Variants in DLC1 observed in about 807,000 individuals in gnomAD.
DLC1 encodes the protein rho GTPase-activating protein 7.
A neutral mutation model predicts 140.3 loss-of-function variants in DLC1; 54 were observed. The observed-to-expected ratio is 0.38, with a 90% confidence interval of 0.31 to 0.48. The LOEUF (loss-of-function observed/expected upper bound fraction) is 0.48, where lower values mean the gene tolerates loss of function less well. Ranked by LOEUF, DLC1 falls within the 20% of genes least tolerant of loss-of-function variation. The pLI, the probability that DLC1 is intolerant of heterozygous loss-of-function variation, is 0.96. For synonymous variants in DLC1, 986 were observed against 728.1 expected, an observed-to-expected ratio of 1.35 and a Z score of -5.70; for missense variants, 2,536 against 1,907.0, an observed-to-expected ratio of 1.33 and a Z score of -6.14.
rs1261896927 is a variant in DLC1, at chr8:13,083,529, G to A, written c.*2282C>T. 1 of 152,302 alleles carries A rather than the reference G, an allele frequency of 6.6e-6. No individual in the cohort carries two copies. The highest frequency in any genetic ancestry group is 1.5e-5 in the Non-Finnish European group (1 of 68,036). 9.4% of individuals were successfully genotyped at this position (152,302 alleles called of 1,614,324 possible). A position where few individuals can be genotyped will look rare whatever the true frequency, so the allele number is the denominator to read the frequency against. Reference sequence around the variant, plus strand: ...TGTGATGGCGCTCTAAGTGACCTCAGCAGAGTTCTTGAAAATGTTCATATC... The same window carrying A: ...TGTGATGGCGCTCTAAGTGACCTCAACAGAGTTCTTGAAAATGTTCATATC... On this transcript the variant is annotated 3_prime_UTR_variant, in exon 18 of 18. Transcript: ENST00000276297.
In DLC1 at chr8:13,444,186, G is replaced by T. The variant is rs905865443; in HGVS notation, c.1024-42567C>A. ...TTTGTCAGATGGGTAGATTGCAAAA[G>T]TTTTCTCCCATTGACAGACAACCAA... On this transcript the variant is annotated intron_variant, in intron 2 of 17. Coordinates refer to ENST00000276297, the MANE Select transcript of DLC1 (RefSeq NM_182643.3). 2.4e-4 allele frequency among the ~76,000 whole-genome samples: 36 copies of T among 152,134 alleles called. 1 individual carries two copies. Among genetic ancestry groups the T allele is most frequent in the African/African-American group, 8.0e-4 (33 of 41,500 alleles).
intron 4 of DLC1, among the ~76,000 whole-genome samples, chr8:13,387,341 G>T (rs955774319): frequency 6.6e-6 from 1 of 152,044 alleles, no homozygotes; most frequent in Admixed American, 6.5e-5. Context: ...AAAATCACCA[G>T]TCTTCTTAAA....
In DLC1 at chr8:13,567,096, C is replaced by T. The variant is rs1423578352; in HGVS notation, c.-126+37441G>A. ...ACTCTACTGATGAGGTACAGACTTC[C>T]AGCTCATTCAGCTCCTCTGGAGGAC... On this transcript the variant is annotated intron_variant, in intron 1 of 1. Transcript: ENST00000631382. The T allele has an allele frequency of 1.9e-6, 3 of 1,551,608 alleles. No homozygotes were observed. The East Asian group carries it at 7.3e-5, about 38-fold the overall frequency.
At chr8:13,134,003 C>G (rs990647268) in intron 5 of DLC1, among the ~76,000 whole-genome samples, 1 of 152,198 alleles carries the variant, frequency 6.6e-6, no homozygotes, top group South Asian at 2.1e-4. Flanking sequence ...GTTTCTCAAA[C>G]TGGCCCTTGG....
At chr8:13,292,760 C>A (rs1288650683) in intron 5 of DLC1, among the ~76,000 whole-genome samples, 1 of 152,012 alleles carries the variant, frequency 6.6e-6, no homozygotes, top group Non-Finnish European at 1.5e-5. Context: ...CTTTAAGAGT[C>A]TTCATTTTTA....
chr8:13,100,697 C>T lies in DLC1; in HGVS notation c.1640G>A (p.Trp547Ter), dbSNP rs1818997578. ...KWTFQRDSKR[W>*]SRLEEFDVFS... ...GACATCAAACTCTTCAAGCCGGGAC[C>T]ACCTCTTGCTGTCCCTTTGGAAAGT... Residue 547 changes from tryptophan to a stop codon, truncating the protein, a stop_gained, in exon 9 of 18, where the codon TGG becomes TAG. Coordinates refer to ENST00000276297, the MANE Select transcript of DLC1 (RefSeq NM_182643.3). LOFTEE classifies it high-confidence loss of function. 6.2e-7 allele frequency: 1 copy of T among 1,612,470 alleles called. No individual in the cohort carries two copies. Among genetic ancestry groups the T allele is most frequent in the African/African-American group, 1.3e-5 (1 of 74,872 alleles).
At chr8:13,252,537 C>A (rs921002093) in intron 5 of DLC1, among the ~76,000 whole-genome samples, 4 of 152,136 alleles carry the variant, frequency 2.6e-5, no homozygotes, top group Non-Finnish European at 4.4e-5. Flanking sequence ...AAGAAAAAAT[C>A]TTACTGTATT....
intron 1 of DLC1, among the ~76,000 whole-genome samples, chr8:13,525,725 A>G (rs1362874881): frequency 6.6e-6 from 1 of 152,142 alleles, no homozygotes; most frequent in Non-Finnish European, 1.5e-5. Context: ...TAAGCTCTTT[A>G]TCATGTAGGT....
At chr8:13,472,049 G>T (rs1455593809) in intron 2 of DLC1, among the ~76,000 whole-genome samples, 1 of 152,220 alleles carries the variant, frequency 6.6e-6, no homozygotes, top group Non-Finnish European at 1.5e-5. Context: ...TATCAGTTAA[G>T]ATGGAAAATT....
At chr8:13,349,019 A>C (rs1275591300) in intron 4 of DLC1, among the ~76,000 whole-genome samples, 1 of 152,184 alleles carries the variant, frequency 6.6e-6, no homozygotes, top group East Asian at 1.9e-4. Flanking sequence ...CTTTATATGT[A>C]GCACTAAGAT....
intron 3 of DLC1, among the ~76,000 whole-genome samples, chr8:13,394,156 T>C (rs539024585): frequency 6.6e-6 from 1 of 152,336 alleles, no homozygotes; most frequent in South Asian, 2.1e-4. Flanking sequence ...CTCTTCTATG[T>C]TCCTATTCAA....
intron 2 of DLC1, among the ~76,000 whole-genome samples, chr8:13,451,403 A>G (rs918071002): frequency 8.5e-5 from 13 of 152,142 alleles, no homozygotes; most frequent in African/African-American, 2.2e-4. Flanking sequence ...TTATTTTAAA[A>G]TGTACAATTA....
intron 5 of DLC1, among the ~76,000 whole-genome samples, chr8:13,200,275 G>A (rs1827308886): frequency 6.6e-6 from 1 of 151,822 alleles, no homozygotes; most frequent in South Asian, 2.1e-4. Flanking sequence ...TGTTGGCCAG[G>A]CTTGTCTCGA....
chr8:13,574,627 G>T (rs9886568), intron 1 of DLC1, among the ~76,000 whole-genome samples: 2 of 151,866 alleles, frequency 1.3e-5, no homozygotes, highest in South Asian at 2.1e-4. Context: ...ATACATAATA[G>T]AAATATTTAT....
chr8:13,546,984 T>C (rs954544435), intron 1 of DLC1, among the ~76,000 whole-genome samples: 11 of 152,242 alleles, frequency 7.2e-5, no homozygotes, highest in Non-Finnish European at 1.5e-4. Flanking sequence ...ATAGACTTAG[T>C]TTAATTACAA....
intron 4 of DLC1, among the ~76,000 whole-genome samples, chr8:13,351,762 AAAT>A (rs1248077962): frequency 1.3e-5 from 2 of 152,256 alleles, no homozygotes; most frequent in Non-Finnish European, 2.9e-5. Flanking sequence ...TGATTAAGAA[AAAT>A]AATAATTCCC....
chr8:13,305,629 G>A (rs1832387562), intron 4 of DLC1, among the ~76,000 whole-genome samples: 1 of 152,184 alleles, frequency 6.6e-6, no homozygotes, highest in Admixed American at 6.5e-5. Context: ...TTGAGCCCAG[G>A]AGTTTGAGAC....
chr8:13,166,427 G>A (rs1335247924), intron 5 of DLC1, among the ~76,000 whole-genome samples: 2 of 152,062 alleles, frequency 1.3e-5, no homozygotes, highest in Non-Finnish European at 2.9e-5. Flanking sequence ...TGCAACCTCT[G>A]CCTCCCGGGT....
At position 13,524,102 on chromosome 8, in the gene DLC1, A is replaced by G. The variant is rs571730239; in HGVS notation, c.-125-23906T>C. Among the ~76,000 whole-genome samples the G allele has an allele frequency of 3.2e-4, 40 of 125,074 alleles. No homozygotes were observed. In the Admixed American group the frequency reaches 3.2e-3, roughly 10 times the overall value. The allele number at this position is 125,074 out of a possible 152,430, so 82.1% of individuals were successfully genotyped here. A position where few individuals can be genotyped will look rare whatever the true frequency, so the allele number is the denominator to read the frequency against. The stretch of plus-strand genomic sequence containing the variant: ...CTAGCCACCATCACAGTTGTTATCT[A>G]TTCTATTTATTATTATTATTATTAT... On this transcript the variant is annotated intron_variant, in intron 1 of 1. Coordinates refer to the DLC1 transcript ENST00000631382.
Sources: allele counts gnomAD v4.1 joint callset (sites outside exome capture counted in the v4.1 genomes callset), GRCh38; gene constraint gnomAD v4.1.1; transcripts MANE v1.5; gene names NCBI Gene and HGNC (gene_info 2026-07-23, HGNC 2026-07-21).